The following GRID2 variants were observed in gnomAD, a reference collection of about 807,000 sequenced individuals.
The protein encoded by GRID2 is glutamate ionotropic receptor delta type subunit 2.
GRID2 carries 33 observed loss-of-function variants against 114.8 expected under a neutral mutation model. The ratio of observed to expected loss-of-function variants is 0.29; its 90% confidence interval spans 0.22 to 0.38. The LOEUF (loss-of-function observed/expected upper bound fraction) is 0.38, where lower values mean the gene tolerates loss of function less well. Ranked by LOEUF, GRID2 falls within the 10% of genes least tolerant of loss-of-function variation. The pLI, the probability that GRID2 is intolerant of heterozygous loss-of-function variation, is 1.00. For missense variants in GRID2, 1,184 were observed against 1,257.7 expected (o/e 0.94, Z 0.89); for synonymous variants, 505 against 449.9 (o/e 1.12, Z -1.55).
At chr4:92,377,153 C>T (rs1163102966) in intron 1 of GRID2, among the ~76,000 whole-genome samples, 1 of 152,144 alleles carries the variant, frequency 6.6e-6, no homozygotes, top group Non-Finnish European at 1.5e-5. Flanking sequence ...CTCTGCTTCT[C>T]TTATAAAACT....
At chr4:93,726,120 C>T (rs188605774) in intron 14 of GRID2, among the ~76,000 whole-genome samples, 3 of 152,270 alleles carry the variant, frequency 2.0e-5, no homozygotes, top group African/African-American at 4.8e-5. Context: ...GGTTTTAGGT[C>T]TAACATGTAA....
At chr4:93,551,850 C>A (rs1249457592) in intron 13 of GRID2, among the ~76,000 whole-genome samples, 14 of 152,094 alleles carry the variant, frequency 9.2e-5, no homozygotes, top group Non-Finnish European at 2.9e-5. Context: ...TTACATTGTG[C>A]CCTTGTCAGC....
chr4:93,198,040 G>A (rs1385281457), intron 4 of GRID2, among the ~76,000 whole-genome samples: 1 of 151,952 alleles, frequency 6.6e-6, no homozygotes, highest in Non-Finnish European at 1.5e-5. Flanking sequence ...GTGAGGTATG[G>A]ATATCCACAG....
chr4:92,595,989 A>G (rs927193444), intron 2 of GRID2, among the ~76,000 whole-genome samples: 18 of 152,056 alleles, frequency 1.2e-4, no homozygotes, highest in Non-Finnish European at 7.4e-5. Flanking sequence ...TTAATATGAC[A>G]TTTTTACTGT....
intron 2 of GRID2, among the ~76,000 whole-genome samples, chr4:92,672,351 T>G (rs553334303): frequency 6.6e-6 from 1 of 152,278 alleles, no homozygotes; most frequent in African/African-American, 2.4e-5. Flanking sequence ...TTTTCAGCTC[T>G]AATACCATTA....
intron 2 of GRID2, among the ~76,000 whole-genome samples, chr4:93,072,046 G>A (rs1307700820): frequency 6.6e-6 from 1 of 152,016 alleles, no homozygotes; most frequent in African/African-American, 2.4e-5. Context: ...GACACATAAA[G>A]GTAATTACAA....
At position 92,636,106 on chromosome 4, in the gene GRID2, A is replaced by G. The variant is rs542792328; in HGVS notation, c.244+45820A>G. Among the ~76,000 whole-genome samples the G allele has an allele frequency of 8.5e-5, 13 of 152,160 alleles. No homozygotes were observed. In the East Asian group the frequency reaches 2.3e-3, roughly 27 times the overall value. On this transcript the variant is annotated intron_variant, in intron 2 of 15. Coordinates refer to ENST00000282020, the MANE Select transcript of GRID2 (RefSeq NM_001510.4). ...AGGATGACTGCATATTTTAAGGACT[A>G]TTGAAAATTAGTGGATACTGATTTT...
intron 11 of GRID2, among the ~76,000 whole-genome samples, chr4:93,463,529 C>A (rs1462444534): frequency 6.6e-6 from 1 of 152,140 alleles, no homozygotes; most frequent in Non-Finnish European, 1.5e-5. Flanking sequence ...AGAACTAGTA[C>A]AATCAACATC....
chr4:93,468,970 A>G (rs1485014), intron 11 of GRID2, among the ~76,000 whole-genome samples: 36,940 of 152,046 alleles, frequency 0.24, 5,495 homozygotes, highest in Non-Finnish European at 0.34. Flanking sequence ...ATACCCAGCC[A>G]TCGTACATTT....
chr4:93,731,746 C>T (rs1343201223), intron 14 of GRID2, among the ~76,000 whole-genome samples: 3 of 152,184 alleles, frequency 2.0e-5, no homozygotes, highest in Non-Finnish European at 4.4e-5. Flanking sequence ...GGATCCCTCA[C>T]TTATCTCTTC....
At chr4:93,054,337 T>TTTATA (rs61687235) in intron 2 of GRID2, among the ~76,000 whole-genome samples, 2 of 76,676 alleles carry the variant, frequency 2.6e-5, no homozygotes, top group African/African-American at 3.4e-5. Context: ...TGGTAGTATT[T>TTTATA]TTATATTATT....
At chr4:92,338,360 A>G (rs1420342280) in intron 1 of GRID2, among the ~76,000 whole-genome samples, 1 of 152,206 alleles carries the variant, frequency 6.6e-6, no homozygotes, top group Non-Finnish European at 1.5e-5. Flanking sequence ...TTCAATGAAG[A>G]GTATTCACAG....
rs189823991 is a variant in GRID2 at position 93,183,241 on chromosome 4, A to T, written c.736-24163A>T. On this transcript the variant is annotated intron_variant, in intron 4 of 15. Transcript: ENST00000282020. ...GTGATCCATTTGGGTAAAATTTTTTAAAAAACTCTAACTTCACAAAATGTT... is the reference window on the plus strand; with the variant it reads ...GTGATCCATTTGGGTAAAATTTTTTTAAAAACTCTAACTTCACAAAATGTT... Among the ~76,000 whole-genome samples the T allele has an allele frequency of 4.7e-4, 72 of 152,322 alleles. No individual in the cohort carries two copies. The Middle Eastern group carries it at 0.01, about 22-fold the overall frequency.
At chr4:92,892,174 T>C (rs555881588) in intron 2 of GRID2, among the ~76,000 whole-genome samples, 8 of 152,082 alleles carry the variant, frequency 5.3e-5, no homozygotes, top group Admixed American at 3.9e-4. Context: ...AGCAATTCTC[T>C]TGCCTAAGCC....
chr4:92,517,338 C>T (rs1724548226), intron 1 of GRID2, among the ~76,000 whole-genome samples: 1 of 151,834 alleles, frequency 6.6e-6, no homozygotes, highest in Admixed American at 6.6e-5. Context: ...ATTTTTCACT[C>T]ATGATAGAAT....
chr4:93,077,425 G>A (rs1729435853), intron 2 of GRID2, among the ~76,000 whole-genome samples: 1 of 151,986 alleles, frequency 6.6e-6, no homozygotes, highest in East Asian at 1.9e-4. Flanking sequence ...TTACTTTTAT[G>A]GGATATAATT....
rs115340950 is a variant in GRID2 at position 93,580,932 on chromosome 4, G to C, written c.2194-45337G>C. 3.9e-3 allele frequency among the ~76,000 whole-genome samples: 583 copies of C among 148,322 alleles called. 2 individuals carry two copies. The highest frequency in any genetic ancestry group is 0.014 in the African/African-American group (560 of 40,182). On this transcript the variant is annotated intron_variant, in intron 13 of 15. Coordinates refer to ENST00000282020, the MANE Select transcript of GRID2 (RefSeq NM_001510.4). ...GATACATGTGCAGATTACAGTATTT[G>C]CAAATTGTCATTTTATATATATTAT...
At position 92,387,887 on chromosome 4, in the gene GRID2, A is replaced by G. The variant is rs561705407; in HGVS notation, c.88+83143A>G. ...CAAATTAGCTAAAGTTCAAACATAA[A>G]AAGAATCAAAGATCTTTGGGTTCCA... On this transcript the variant is annotated intron_variant, in intron 1 of 15. Coordinates refer to ENST00000282020, the MANE Select transcript of GRID2 (RefSeq NM_001510.4). Among the ~76,000 whole-genome samples the G allele has an allele frequency of 1.2e-4, 18 of 152,124 alleles. No homozygotes were observed. The South Asian group carries it at 3.7e-3, about 32-fold the overall frequency.
chr4:93,261,702 T>G (rs944247988), intron 8 of GRID2, among the ~76,000 whole-genome samples: 2 of 151,842 alleles, frequency 1.3e-5, no homozygotes, highest in Non-Finnish European at 2.9e-5. Flanking sequence ...TATAGGAGTA[T>G]GTATTCCTGT....
Sources: gnomAD v4.1 joint callset for allele counts (sites outside exome capture counted in the v4.1 genomes callset) on GRCh38, gnomAD v4.1.1 for gene constraint, MANE v1.5 for transcripts, NCBI Gene and HGNC (gene_info 2026-07-23, HGNC 2026-07-21) for gene names.